The following NELL1 variants were observed in gnomAD, a reference collection of about 807,000 sequenced individuals.
NELL1 encodes the protein protein kinase C-binding protein NELL1.
Under a neutral mutation model 107.4 loss-of-function variants are expected in NELL1, and 76 were observed. The observed-to-expected ratio is 0.71, with a 90% CI of 0.59 to 0.86. The LOEUF (loss-of-function observed/expected upper bound fraction) is 0.86, where lower values mean the gene tolerates loss of function less well. NELL1 is among the 40% of genes least tolerant of loss of function. The probability of loss-of-function intolerance (pLI) is 0.00; values close to 1 mark genes in which losing one functional copy is unlikely to be tolerated. For synonymous variants in NELL1, 353 were observed against 341.2 expected (o/e 1.03, Z -0.38); for missense variants, 1,024 against 1,005.5 (o/e 1.02, Z -0.25).
intron 16 of NELL1, among the ~76,000 whole-genome samples, chr11:21,555,685 A>C (rs1430580764): frequency 6.6e-6 from 1 of 151,906 alleles, no homozygotes; most frequent in African/African-American, 2.4e-5. Context: ...GGGGTATTGA[A>C]AATTCTTCCT....
chr11:21,169,868 C>T (rs1856565323), intron 13 of NELL1: 1 of 1,410,036 alleles, frequency 7.1e-7, no homozygotes, highest in East Asian at 2.3e-5. Flanking sequence ...GGAAGAGTTG[C>T]CATGTCACCC....
At chr11:20,752,853 G>A (rs1320697066) in intron 2 of NELL1, among the ~76,000 whole-genome samples, 6 of 152,042 alleles carry the variant, frequency 3.9e-5, no homozygotes, top group African/African-American at 1.2e-4. Flanking sequence ...TATGGCCCAC[G>A]TATCAGAAAT....
chr11:20,791,076 T>C (rs1215177927), intron 3 of NELL1, among the ~76,000 whole-genome samples: 2 of 152,246 alleles, frequency 1.3e-5, no homozygotes, highest in Admixed American at 6.5e-5. Flanking sequence ...GATTTTCATA[T>C]GAATTTTAGG....
At chr11:21,036,841 T>C (rs1853105228) in intron 12 of NELL1, among the ~76,000 whole-genome samples, 1 of 152,132 alleles carries the variant, frequency 6.6e-6, no homozygotes, top group African/African-American at 2.4e-5. Flanking sequence ...CTTTGTTGTA[T>C]TTTTAGTCCA....
chr11:20,915,717 A>ATATATATATATATTTT, intron 5 of NELL1, among the ~76,000 whole-genome samples: 4 of 58,224 alleles, frequency 6.9e-5, no homozygotes, highest in African/African-American at 2.7e-4. Context: ...ATATATATAT[A>ATATATATATATATTTT]TTTTTTTTTT....
intron 11 of NELL1, among the ~76,000 whole-genome samples, chr11:20,958,505 A>G (rs867465457): frequency 2.0e-5 from 3 of 152,208 alleles, no homozygotes; most frequent in South Asian, 2.1e-4. Context: ...AGGAATGACT[A>G]TTAGATTAAT....
At chr11:21,186,463 G>T (rs1403480892) in intron 13 of NELL1, among the ~76,000 whole-genome samples, 1 of 151,684 alleles carries the variant, frequency 6.6e-6, no homozygotes, top group Non-Finnish European at 1.5e-5. Flanking sequence ...TAAACTTATA[G>T]GTCTTGACTG....
At chr11:21,261,023 G>T (rs1848518845) in intron 14 of NELL1, among the ~76,000 whole-genome samples, 1 of 151,666 alleles carries the variant, frequency 6.6e-6, no homozygotes, top group African/African-American at 2.4e-5. Context: ...ATACCTTATT[G>T]AATAGAAATT....
intron 12 of NELL1, among the ~76,000 whole-genome samples, chr11:20,974,052 G>T (rs1297698903): frequency 6.6e-6 from 1 of 152,206 alleles, no homozygotes; most frequent in Non-Finnish European, 1.5e-5. Flanking sequence ...GGAAGGAATG[G>T]AAATGAGCAT....
At chr11:21,120,857 T>C (rs1855351080) in intron 13 of NELL1, among the ~76,000 whole-genome samples, 1 of 152,176 alleles carries the variant, frequency 6.6e-6, no homozygotes, top group Non-Finnish European at 1.5e-5. Context: ...TTTTCATTTG[T>C]ATGGCTGGAA....
intron 2 of NELL1, chr11:20,769,339 A>C (rs1335639128): frequency 6.6e-6 from 1 of 152,382 alleles, no homozygotes; most frequent in Non-Finnish European, 1.5e-5. Context: ...CAGTGTCAAA[A>C]GGGCAGAATG....
In NELL1 at chr11:21,157,548, A is replaced by G. The variant is rs540008656; in HGVS notation, c.1426+43834A>G. Among the ~76,000 whole-genome samples, 91 of 152,360 alleles carry G rather than the reference A, an allele frequency of 6.0e-4. 1 individual carries two copies. In the Middle Eastern group the frequency reaches 0.014, roughly 23 times the overall value. On this transcript the variant is annotated intron_variant, in intron 13 of 19. Transcript: ENST00000357134. ...TTGGTATAGCAGTTCTTGCTGAGCC[A>G]TGAGAAAGCAAATTGTCTCTGCCTC...
chr11:21,503,831 C>A (rs562400034), intron 15 of NELL1, among the ~76,000 whole-genome samples: 7 of 151,926 alleles, frequency 4.6e-5, no homozygotes, highest in African/African-American at 1.7e-4. Flanking sequence ...TAATTATGAG[C>A]TGTTTCATAG....
chr11:21,482,825 C>A (rs371089615), intron 15 of NELL1, among the ~76,000 whole-genome samples: 9 of 151,732 alleles, frequency 5.9e-5, no homozygotes, highest in African/African-American at 2.2e-4. Flanking sequence ...TTGTTTTTCC[C>A]CCCAAGGAAC....
At chr11:20,864,927 C>A (rs1007793560) in intron 4 of NELL1, among the ~76,000 whole-genome samples, 28 of 152,352 alleles carry the variant, frequency 1.8e-4, no homozygotes, top group African/African-American at 6.3e-4. Context: ...TGTACAACAT[C>A]CTCATTGGCA....
chr11:21,093,479 C>G (rs1177805517), intron 12 of NELL1, among the ~76,000 whole-genome samples: 2 of 152,202 alleles, frequency 1.3e-5, no homozygotes, highest in African/African-American at 2.4e-5. Flanking sequence ...CCAGGTTCGT[C>G]AGGCCTTTCA....
At chr11:21,455,983 G>GA (rs1853720194) in intron 15 of NELL1, among the ~76,000 whole-genome samples, 1 of 29,940 alleles carries the variant, frequency 3.3e-5, no homozygotes, top group East Asian at 5.8e-3. Context: ...CTGCCTCCCA[G>GA]GTCCAGCATT....
At chr11:21,039,450 T>G (rs920899000) in intron 12 of NELL1, among the ~76,000 whole-genome samples, 2 of 152,150 alleles carry the variant, frequency 1.3e-5, no homozygotes, top group Non-Finnish European at 2.9e-5. Flanking sequence ...CCTCCCAAAG[T>G]GCTGGGATTA....
At chr11:21,378,917 C>T (rs1851547070) in intron 15 of NELL1, among the ~76,000 whole-genome samples, 2 of 151,838 alleles carry the variant, frequency 1.3e-5, no homozygotes, top group South Asian at 4.2e-4. Context: ...GGGGTTTTGC[C>T]ATGTTGGTCA....
Sources: gnomAD v4.1 joint callset for allele counts (sites outside exome capture counted in the v4.1 genomes callset) on GRCh38, gnomAD v4.1.1 for gene constraint, MANE v1.5 for transcripts, NCBI Gene and HGNC (gene_info 2026-07-23, HGNC 2026-07-21) for gene names.